PAPPA: variants seen among roughly 807,000 people sequenced by gnomAD.
PAPPA encodes the protein pappalysin-1.
PAPPA carries 60 observed loss-of-function variants against 164.0 expected under a neutral mutation model. That is an observed-to-expected ratio of 0.37 (90% CI 0.30 to 0.45). PAPPA has a LOEUF of 0.45. Ranked by LOEUF, PAPPA falls within the 20% of genes least tolerant of loss-of-function variation. The pLI, the probability that PAPPA is intolerant of heterozygous loss-of-function variation, is 1.00. For missense variants in PAPPA, 1,782 were observed against 2,087.3 expected (o/e 0.85, Z 2.85); for synonymous variants, 875 against 814.1 (o/e 1.07, Z -1.27).
Position 116,400,774 on chromosome 9 carries a change from A to G in PAPPA, c.*4158A>G, listed in dbSNP as rs1847040707. Reference sequence around the variant, plus strand: ...ATTCCTACCAATCACTTGCTTTTTAAAAGAAATGTATAATAGCCAAAAGAG... The same window carrying G: ...ATTCCTACCAATCACTTGCTTTTTAGAAGAAATGTATAATAGCCAAAAGAG... On this transcript the variant is annotated 3_prime_UTR_variant, in exon 22 of 22. Coordinates refer to ENST00000328252, the MANE Select transcript of PAPPA (RefSeq NM_002581.5). 1 of 152,512 alleles carries G rather than the reference A, an allele frequency of 6.6e-6. No homozygotes were observed. 9.4% of individuals were successfully genotyped at this position (152,512 alleles called of 1,614,324 possible).
chr9:116,164,342 C>T (rs1331615806), intron 1 of PAPPA, among the ~76,000 whole-genome samples: 1 of 152,146 alleles, frequency 6.6e-6, no homozygotes, highest in African/African-American at 2.4e-5. Context: ...GATTTTTCTC[C>T]AAACAAGATA....
At chr9:116,267,235 AT>A (rs973060132) in intron 8 of PAPPA, among the ~76,000 whole-genome samples, 2 of 152,224 alleles carry the variant, frequency 1.3e-5, no homozygotes, top group Non-Finnish European at 2.9e-5. Context: ...GTTTCTGATG[AT>A]TTTGTGGTAT....
intron 7 of PAPPA, 65 bp from the exon 8 acceptor site, chr9:116,265,792 T>G (rs1845060698): frequency 7.2e-7 from 1 of 1,381,450 alleles, no homozygotes; most frequent in African/African-American, 1.4e-5. Context: ...GGGATCAATT[T>G]TCCATTCTCT....
chr9:116,334,250 A>AAC (rs1472112829), intron 12 of PAPPA, among the ~76,000 whole-genome samples: 83 of 151,008 alleles, frequency 5.5e-4, no homozygotes, highest in Non-Finnish European at 1.1e-3. Flanking sequence ...AAAAAAAAAA[A>AAC]AAAAAAAAAA....
intron 13 of PAPPA, among the ~76,000 whole-genome samples, chr9:116,338,409 G>T (rs1015780006): frequency 1.3e-5 from 2 of 152,160 alleles, no homozygotes; most frequent in African/African-American, 4.8e-5. Flanking sequence ...CAGCCAGGGA[G>T]AACTTAGACT....
intron 21 of PAPPA, among the ~76,000 whole-genome samples, chr9:116,388,076 CTTAT>C (rs5900207): frequency 0.39 from 59,212 of 151,694 alleles, 11,942 homozygotes; most frequent in Middle Eastern, 0.44. Context: ...TTCTCCCTCC[CTTAT>C]TTGTCTGTAC....
intron 12 of PAPPA, chr9:116,332,761 G>C (rs1846010954): frequency 7.6e-6 from 2 of 262,180 alleles, no homozygotes; most frequent in Admixed American, 4.8e-5. Flanking sequence ...GAAGGAGAGA[G>C]ACTGAGTAAG....
At chr9:116,220,155 T>C in intron 5 of PAPPA, 26 bp downstream of exon 5, 1 of 1,536,894 alleles carries the variant, frequency 6.5e-7, no homozygotes, top group South Asian at 1.1e-5. Flanking sequence ...GTAGTGTTGA[T>C]CCCTCTCTCT....
intron 1 of PAPPA, among the ~76,000 whole-genome samples, chr9:116,168,620 G>A (rs575184289): frequency 1.3e-5 from 2 of 152,224 alleles, no homozygotes; most frequent in Admixed American, 6.5e-5. Flanking sequence ...TCTGCCTTGT[G>A]TGGGGGTATA....
intron 10 of PAPPA, among the ~76,000 whole-genome samples, chr9:116,322,107 C>T (rs543321872): frequency 6.6e-6 from 1 of 152,186 alleles, no homozygotes; most frequent in Non-Finnish European, 1.5e-5. Context: ...ACACAGGCAG[C>T]ACCCATACTG....
intron 13 of PAPPA, among the ~76,000 whole-genome samples, chr9:116,338,318 G>A (rs77161693): frequency 6.6e-6 from 1 of 152,040 alleles, no homozygotes; most frequent in Middle Eastern, 3.2e-3. Context: ...TTCAGAGAGA[G>A]ACAGTTCTGA....
intron 13 of PAPPA, among the ~76,000 whole-genome samples, chr9:116,338,980 T>G (rs1342221511): frequency 6.6e-6 from 1 of 152,158 alleles, no homozygotes; most frequent in Non-Finnish European, 1.5e-5. Context: ...GTGCCCTCAT[T>G]TGAGGATGGG....
chr9:116,187,272 A>G lies in PAPPA; in HGVS notation c.534A>G (p.Arg178=). 6.2e-7 allele frequency: 1 copy of G among 1,614,208 alleles called. No individual in the cohort carries two copies. Among genetic ancestry groups the G allele is most frequent in the Middle Eastern group, 1.6e-4 (1 of 6,062 alleles). Residue 178 remains arginine, a synonymous_variant, in exon 2 of 22, where the codon CGA becomes CGG. Transcript: ENST00000328252. The surrounding 1 kb of genome is among the most constrained non-coding windows in gnomAD (Gnocchi z 4.2). The stretch of plus-strand genomic sequence containing the variant: ...ACTTTTTCTCCTTGAAGACAGACCG[A>G]GCCCGGCAAGTGACCACCATCAATG... The part of the protein sequence containing the change: ...PRYFFSLKTD[R]ARQVTTINAH...
chr9:116,394,348 G>GCAA (rs1378205927), intron 21 of PAPPA, among the ~76,000 whole-genome samples: 3 of 152,154 alleles, frequency 2.0e-5, no homozygotes, highest in Non-Finnish European at 4.4e-5. Flanking sequence ...CAGAAAAAAT[G>GCAA]CAACATGAAA....
intron 7 of PAPPA, among the ~76,000 whole-genome samples, chr9:116,252,263 G>A (rs1445811477): frequency 6.6e-6 from 1 of 152,240 alleles, no homozygotes; most frequent in Non-Finnish European, 1.5e-5. Context: ...ACCTGTGTGA[G>A]AGGGATGGAC....
chr9:116,165,711 TTTAA>T (rs1243636104), intron 1 of PAPPA, among the ~76,000 whole-genome samples: 11 of 152,324 alleles, frequency 7.2e-5, no homozygotes, highest in Non-Finnish European at 8.8e-5. Context: ...CACCTGGTTC[TTTAA>T]TTATCACTTT....
chr9:116,235,532 C>G lies in PAPPA; in HGVS notation c.2627C>G (p.Pro876Arg). The G allele has an allele frequency of 6.2e-7, 1 of 1,613,638 alleles. No individual in the cohort carries two copies. Among genetic ancestry groups the G allele is most frequent in the Non-Finnish European group, 8.5e-7 (1 of 1,179,976 alleles). Reference protein sequence around the residue: ...AAMLTSTADTPLCLQCKPLKY... With the variant: ...AAMLTSTADTRLCLQCKPLKY... ...ATGTTGACCTCCACTGCAGACACCC[C>G]ACTCTGTCTACAGTGTAAGCCCCTG... Residue 876 changes from proline to arginine, a missense_variant, in exon 7 of 22, where the codon CCA (proline) becomes CGA (arginine). Pro to Arg is a moderately radical substitution (Grantham distance 103, BLOSUM62 -2). Transcript: ENST00000328252.
At chr9:116,202,863 C>A (rs1399339152) in intron 2 of PAPPA, among the ~76,000 whole-genome samples, 1 of 152,206 alleles carries the variant, frequency 6.6e-6, no homozygotes, top group Non-Finnish European at 1.5e-5. Flanking sequence ...TTTAACAGAC[C>A]ATGTCCCAAA....
intron 8 of PAPPA, among the ~76,000 whole-genome samples, chr9:116,268,575 G>A (rs931673853): frequency 6.6e-6 from 1 of 151,950 alleles, no homozygotes; most frequent in African/African-American, 2.4e-5. Context: ...CTCATCTACA[G>A]CTCATCTCAG....
Sources: allele counts gnomAD v4.1 joint callset (sites outside exome capture counted in the v4.1 genomes callset), GRCh38; gene constraint gnomAD v4.1.1; non-coding constraint Gnocchi (gnomAD v3.1); transcripts MANE v1.5; gene names NCBI Gene and HGNC (gene_info 2026-07-23, HGNC 2026-07-21).